Variants in ZNF510 observed in about 807,000 individuals in gnomAD.
The protein encoded by ZNF510 is zinc finger protein 510.
In ZNF510, 15 loss-of-function variants were observed where a neutral mutation model predicts 18.1. The ratio of observed to expected loss-of-function variants is 0.83; its 90% CI spans 0.55 to 1.28. The LOEUF is 1.28. Ranked by LOEUF, ZNF510 falls within the 50% of genes most tolerant of loss-of-function variation. The pLI, the probability that ZNF510 is intolerant of heterozygous loss-of-function variation, is 0.00. For synonymous variants in ZNF510, 261 were observed against 266.4 expected, an observed-to-expected ratio of 0.98 and a Z score of 0.20; for missense variants, 724 against 791.8, an observed-to-expected ratio of 0.91 and a Z score of 1.03.
intron 3 of ZNF510, 24 bp from the exon 4 acceptor site, chr9:96,763,656 A>G: frequency 6.4e-7 from 1 of 1,569,490 alleles, no homozygotes. Flanking sequence ...TTTCTATTCA[A>G]TCTGAAGGGT....
chr9:96,764,165 TA>T (rs1477683378), intron 3 of ZNF510, among the ~76,000 whole-genome samples: 1 of 149,286 alleles, frequency 6.7e-6, no homozygotes, highest in East Asian at 1.9e-4. Flanking sequence ...ATAGATACAT[TA>T]CTAAAACTTT....
chr9:96,767,685 G>C (rs1451603835), intron 3 of ZNF510, among the ~76,000 whole-genome samples: 1 of 152,034 alleles, frequency 6.6e-6, no homozygotes, highest in Non-Finnish European at 1.5e-5. Context: ...AAAAGAAACA[G>C]AACATCCGAA....
At chr9:96,767,805 A>T (rs1849507259) in intron 3 of ZNF510, among the ~76,000 whole-genome samples, 2 of 152,204 alleles carry the variant, frequency 1.3e-5, no homozygotes, top group Admixed American at 1.3e-4. Flanking sequence ...CAAACATTTA[A>T]AGAAAAACTA....
At chr9:96,776,644 T>C (rs1474165289) in intron 1 of ZNF510, among the ~76,000 whole-genome samples, 2 of 152,108 alleles carry the variant, frequency 1.3e-5, no homozygotes, top group East Asian at 3.9e-4. Flanking sequence ...GGCATGGCCA[T>C]GCATGCTTGT....
At chr9:96,765,864 T>C (rs1270063341) in intron 3 of ZNF510, among the ~76,000 whole-genome samples, 1 of 152,136 alleles carries the variant, frequency 6.6e-6, no homozygotes, top group Non-Finnish European at 1.5e-5. Context: ...TGCTGTCTAG[T>C]GTGCCTATGT....
At position 96,776,258 on chromosome 9, in the gene ZNF510, G is replaced by C; in HGVS notation, c.-176-13C>G. 6 of 1,154,152 alleles carry C rather than the reference G, an allele frequency of 5.2e-6. No individual in the cohort carries two copies. The highest frequency in any genetic ancestry group is 6.9e-6 in the Non-Finnish European group (6 of 867,490). 71.5% of individuals were successfully genotyped at this position (1,154,152 alleles called of 1,614,324 possible). On this transcript the variant is annotated splice_polypyrimidine_tract_variant and intron_variant, in intron 1 of 5. Transcript: ENST00000223428. ...GGCTCCCTCCTTCCTGCAACATAAA[G>C]AGCTGCTTTGCTCCAGAGAAGCTGG... is the stretch of plus-strand genomic sequence containing the variant.
intron 3 of ZNF510, among the ~76,000 whole-genome samples, chr9:96,765,839 T>C (rs1849457421): frequency 6.6e-6 from 1 of 151,928 alleles, no homozygotes; most frequent in Non-Finnish European, 1.5e-5. Flanking sequence ...ATGGCCTATA[T>C]GTATAACAGT....
intron 2 of ZNF510, 26 bp from the exon 3 acceptor site, chr9:96,774,872 A>C: frequency 6.2e-7 from 1 of 1,607,650 alleles, no homozygotes; most frequent in Non-Finnish European, 8.5e-7. Context: ...GAGTCATGAG[A>C]GATCTGGGCA....
At position 96,758,880 on chromosome 9, in the gene ZNF510, G is replaced by GT; in HGVS notation, c.1949dup (p.His650GlnfsTer8). 6.2e-7 allele frequency: 1 copy of GT among 1,614,082 alleles called. No individual in the cohort carries two copies. The highest frequency in any genetic ancestry group is 8.5e-7 in the Non-Finnish European group (1 of 1,179,978). On this transcript the variant is annotated frameshift_variant, in exon 6 of 6. Transcript: ENST00000223428. LOFTEE classifies it low-confidence loss of function (END_TRUNC). ...TGCATTCATAAGATTTCTCCCCACT[G>GT]TGAGTCCTTTGATGTATTCTGAGGT...
Position 96,767,261 on chromosome 9 carries a change from G to A in ZNF510, c.130-3629C>T, listed in dbSNP as rs542989913. On this transcript the variant is annotated intron_variant, in intron 3 of 5. Coordinates refer to ENST00000223428, the MANE Select transcript of ZNF510 (RefSeq NM_014930.3). ...GAGAATTGCTTGAACCCGGGAGGTG[G>A]AGGTTGCAGTGAGCTGATATCGTGC... Among the ~76,000 whole-genome samples, 7 of 152,270 alleles carry A rather than the reference G, an allele frequency of 4.6e-5. No individual in the cohort carries two copies. In the South Asian group the frequency reaches 1.5e-3, roughly 32 times the overall value.
In ZNF510 at chr9:96,763,617, T is replaced by C. The variant is rs1314482976; in HGVS notation, c.145A>G (p.Lys49Glu). The C allele has an allele frequency of 6.2e-7, 1 of 1,611,680 alleles. No individual in the cohort carries two copies. Among genetic ancestry groups the C allele is most frequent in the Admixed American group, 1.7e-5 (1 of 59,580 alleles). The change falls in exon 4 of 6, where the codon AAG becomes GAG. Residue 49 changes from lysine to glutamate, a missense_variant. Coordinates refer to ENST00000223428, the MANE Select transcript of ZNF510 (RefSeq NM_014930.3). ...TGGGTGAATTCTATAGTCACGTCCT[T>C]GAATGACACTGATGCCTGTAACAGT... ...MNISQASVSF[K>E]DVTIEFTQEE...
chr9:96,760,502 C>G (rs1337482886), intron 5 of ZNF510, 25 bp from the exon 6 acceptor site: 2 of 1,555,026 alleles, frequency 1.3e-6, no homozygotes, highest in Admixed American at 1.9e-5. Flanking sequence ...TTGAAAACAT[C>G]TTATGACTCT....
rs763359345 is a variant in ZNF510, at chr9:96,760,411, G to C, written c.419C>G (p.Ala140Gly). ...CAATGTTTTATTATTGATACATATT[G>C]CTTGCTCCAAGTGTTTGTCTTTGAT... The part of the protein sequence containing the change: ...KKIKDKHLEQ[A>G]ICINNKTLTT... The change falls in exon 6 of 6, where the codon GCA becomes GGA. Residue 140 changes from alanine to glycine, a missense_variant. Physicochemically the swap from Ala to Gly is moderately conservative, Grantham distance 60. Transcript: ENST00000223428. 2 of 1,613,272 alleles carry C rather than the reference G, an allele frequency of 1.2e-6. No homozygotes were observed. Among genetic ancestry groups the C allele is most frequent in the South Asian group, 2.2e-5 (2 of 91,038 alleles).
intron 1 of ZNF510, 106 bp downstream of exon 1, chr9:96,777,928 C>G (rs12004507): frequency 0.14 from 21,497 of 152,222 alleles, 3,456 homozygotes; most frequent in African/African-American, 0.38. Context: ...CAGGGAGCGA[C>G]GGCCTGCTTT....
rs1311091064 is a variant in ZNF510 at position 96,759,636 on chromosome 9, G to A, written c.1194C>T (p.His398=). The A allele has an allele frequency of 8.1e-6, 13 of 1,613,632 alleles. No individual in the cohort carries two copies. The Admixed American group carries it at 2.0e-4, about 25-fold the overall frequency. Residue 398 remains histidine (H), a synonymous_variant, in exon 6 of 6, where the codon CAC becomes CAT. Transcript: ENST00000223428. ...TSVHRVRRRS[H]SMMKPYKCNE... is the part of the protein sequence containing the mutation. ...TACATTTATAGGGTTTCATCATTGAGTGACTTCTTCGGCGAACTCTGTGAA... is the reference window on the plus strand; with the variant it reads ...TACATTTATAGGGTTTCATCATTGAATGACTTCTTCGGCGAACTCTGTGAA...
intron 3 of ZNF510, among the ~76,000 whole-genome samples, chr9:96,769,193 A>G (rs10156423): frequency 0.059 from 9,008 of 152,116 alleles, 880 homozygotes; most frequent in African/African-American, 0.2. Context: ...CCAGCACTTT[A>G]GGAGGCTGAG....
intron 3 of ZNF510, among the ~76,000 whole-genome samples, chr9:96,770,427 T>TA (rs57872154): frequency 2.4e-3 from 313 of 128,722 alleles, no homozygotes; most frequent in Middle Eastern, 7.5e-3. Flanking sequence ...CTGTGTCTAC[T>TA]AAAAAAAAAA....
chr9:96,773,576 A>ATC lies in ZNF510; in HGVS notation c.129+1210_129+1211dup, dbSNP rs1286094675. On this transcript the variant is annotated intron_variant, in intron 3 of 5. Transcript: ENST00000223428. ...CTCAGAAGGAACCAAACCTGTTGACATCTGTTTTTTTTTTTTTGAGATGGA... is the reference window on the plus strand; with the variant it reads ...CTCAGAAGGAACCAAACCTGTTGACATCTCTGTTTTTTTTTTTTTGAGATGGA... Among the ~76,000 whole-genome samples, 4 of 148,390 alleles carry ATC rather than the reference A, an allele frequency of 2.7e-5. No homozygotes were observed. The East Asian group carries it at 8.8e-4, about 32-fold the overall frequency.
At chr9:96,765,060 C>T (rs1432115103) in intron 3 of ZNF510, among the ~76,000 whole-genome samples, 1 of 152,090 alleles carries the variant, frequency 6.6e-6, no homozygotes, top group Non-Finnish European at 1.5e-5. Flanking sequence ...TTGCAGTGAG[C>T]TGAGATCGCG....
Sources: allele counts gnomAD v4.1 joint callset (sites outside exome capture counted in the v4.1 genomes callset), GRCh38; gene constraint gnomAD v4.1.1; transcripts MANE v1.5; gene names NCBI Gene and HGNC (gene_info 2026-07-23, HGNC 2026-07-21).